The following ADGRB3 variants were observed in gnomAD, a reference collection of about 807,000 sequenced individuals.
ADGRB3 encodes brain-specific angiogenesis inhibitor 3.
A neutral mutation model predicts 193.4 loss-of-function variants in ADGRB3; 37 were observed. That is an observed-to-expected ratio of 0.19 (90% CI 0.15 to 0.25). ADGRB3 has a LOEUF of 0.25. Ranked by LOEUF, ADGRB3 falls within the 10% of genes least tolerant of loss-of-function variation. ADGRB3 has a pLI of 1.00. For synonymous variants in ADGRB3, 690 were observed against 644.2 expected (o/e 1.07, Z -1.08); for missense variants, 1,637 against 1,852.9 (o/e 0.88, Z 2.14).
chr6:68,897,506 A>AAGGAAGGAGGGGAGGGAGGAAGGAAAG (rs1766258114), intron 3 of ADGRB3, among the ~76,000 whole-genome samples: 1 of 28,996 alleles, frequency 3.4e-5, no homozygotes, highest in Non-Finnish European at 6.4e-5. Context: ...AGGGAAGAGG[A>AAGGAAGGAGGGGAGGGAGGAAGGAAAG]AGGAAGGAAG....
At chr6:68,748,894 A>G (rs965563958) in intron 3 of ADGRB3, among the ~76,000 whole-genome samples, 5 of 152,134 alleles carry the variant, frequency 3.3e-5, no homozygotes, top group Admixed American at 1.3e-4. Context: ...CCAAACTTCA[A>G]TTCTTAACAT....
At chr6:68,808,622 C>A (rs1412733621) in intron 3 of ADGRB3, among the ~76,000 whole-genome samples, 1 of 152,104 alleles carries the variant, frequency 6.6e-6, no homozygotes, top group Non-Finnish European at 1.5e-5. Context: ...TTCATACTAT[C>A]TCTTAGAATG....
At chr6:69,022,211 C>T (rs771732358) in intron 13 of ADGRB3, among the ~76,000 whole-genome samples, 6 of 151,648 alleles carry the variant, frequency 4.0e-5, no homozygotes, top group Middle Eastern at 3.5e-3. Context: ...TTTCAATATG[C>T]CTCTTTTTAA....
intron 20 of ADGRB3, among the ~76,000 whole-genome samples, chr6:69,250,450 T>A (rs1268714723): frequency 6.6e-6 from 1 of 152,230 alleles, no homozygotes; most frequent in African/African-American, 2.4e-5. Flanking sequence ...CATCCTTTAT[T>A]ACAATGAAAA....
intron 6 of ADGRB3, among the ~76,000 whole-genome samples, chr6:68,947,287 C>T (rs1227418889): frequency 6.6e-6 from 1 of 151,928 alleles, no homozygotes. Flanking sequence ...CTTATCTCAC[C>T]AAAGTTCTGG....
At chr6:68,806,613 T>C (rs1453468380) in intron 3 of ADGRB3, among the ~76,000 whole-genome samples, 1 of 151,758 alleles carries the variant, frequency 6.6e-6, no homozygotes, top group Non-Finnish European at 1.5e-5. Flanking sequence ...TATTTTTCTT[T>C]CTGATTTTTA....
At chr6:68,646,956 A>G (rs1200822388) in intron 3 of ADGRB3, among the ~76,000 whole-genome samples, 1 of 152,228 alleles carries the variant, frequency 6.6e-6, no homozygotes, top group Admixed American at 6.5e-5. Flanking sequence ...TAATGAGTAT[A>G]ATCCTGGGGA....
intron 3 of ADGRB3, among the ~76,000 whole-genome samples, chr6:68,883,757 G>A (rs886182897): frequency 1.2e-4 from 18 of 152,172 alleles, no homozygotes; most frequent in Non-Finnish European, 2.9e-5. Context: ...CGCCGGACAC[G>A]TCACCTTTAT....
intron 17 of ADGRB3, among the ~76,000 whole-genome samples, chr6:69,201,875 T>G (rs958522350): frequency 6.6e-6 from 1 of 152,160 alleles, no homozygotes; most frequent in Admixed American, 6.6e-5. Context: ...ACATATCTTC[T>G]GTTGTCTACC....
chr6:69,116,187 C>A (rs1187624484), intron 17 of ADGRB3, among the ~76,000 whole-genome samples: 1 of 152,178 alleles, frequency 6.6e-6, no homozygotes, highest in Admixed American at 6.5e-5. Context: ...AGATGAGGCC[C>A]ATCCACATTT....
chr6:68,735,885 A>G (rs771936284), intron 3 of ADGRB3, among the ~76,000 whole-genome samples: 6 of 152,206 alleles, frequency 3.9e-5, no homozygotes, highest in Non-Finnish European at 7.3e-5. Context: ...TGCAGTCTTT[A>G]TAGAGCAGCA....
At chr6:69,031,548 T>TC (rs1770694111) in intron 13 of ADGRB3, among the ~76,000 whole-genome samples, 1 of 63,674 alleles carries the variant, frequency 1.6e-5, no homozygotes, top group Non-Finnish European at 3.5e-5. Flanking sequence ...TTTCTTTCTT[T>TC]CTTTTTCTTT....
chr6:69,267,691 T>C (rs62408268), intron 20 of ADGRB3, among the ~76,000 whole-genome samples: 7,548 of 152,208 alleles, frequency 0.05, 228 homozygotes, highest in Non-Finnish European at 0.072. Context: ...TATTCACCAA[T>C]GGATATCAAA....
intron 20 of ADGRB3, among the ~76,000 whole-genome samples, chr6:69,297,360 CTCTCTCTT>C (rs1357644601): frequency 8.3e-6 from 1 of 120,968 alleles, no homozygotes; most frequent in African/African-American, 3.8e-5. Context: ...CTCTCTCTCT[CTCTCTCTT>C]TCTCTCTCTC....
chr6:68,964,850 T>G (rs1422138693), intron 8 of ADGRB3, among the ~76,000 whole-genome samples: 1 of 152,096 alleles, frequency 6.6e-6, no homozygotes, highest in Non-Finnish European at 1.5e-5. Context: ...CTTCCAGACT[T>G]AAAAACAAAT....
At chr6:69,207,403 A>G (rs1420054357) in intron 17 of ADGRB3, among the ~76,000 whole-genome samples, 1 of 152,116 alleles carries the variant, frequency 6.6e-6, no homozygotes, top group Admixed American at 6.5e-5. Context: ...TCCAAAATCC[A>G]AATAGCCCCC....
chr6:69,077,332 C>T (rs1772260712), intron 17 of ADGRB3, among the ~76,000 whole-genome samples: 1 of 151,688 alleles, frequency 6.6e-6, no homozygotes, highest in Non-Finnish European at 1.5e-5. Flanking sequence ...AAATAAAATG[C>T]TATAAAAATC....
chr6:68,881,088 A>C (rs1056298885), intron 3 of ADGRB3, among the ~76,000 whole-genome samples: 7 of 152,262 alleles, frequency 4.6e-5, no homozygotes, highest in African/African-American at 1.7e-4. Context: ...GAGGGCTAAT[A>C]GGATGGTTAT....
At chr6:69,177,637 C>T (rs960276894) in intron 17 of ADGRB3, among the ~76,000 whole-genome samples, 8 of 152,176 alleles carry the variant, frequency 5.3e-5, no homozygotes, top group Non-Finnish European at 1.2e-4. Flanking sequence ...TGAGCCACCA[C>T]GCCCAGCCTA....
Sources: allele counts gnomAD v4.1 joint callset (sites outside exome capture counted in the v4.1 genomes callset), GRCh38; gene constraint gnomAD v4.1.1; transcripts MANE v1.5; gene names NCBI Gene and HGNC (gene_info 2026-07-23, HGNC 2026-07-21).